Variants in MS4A10 observed in about 807,000 individuals in gnomAD.
MS4A10 encodes membrane-spanning 4-domains subfamily A member 10.
A neutral mutation model predicts 27.7 loss-of-function variants in MS4A10; 27 were observed. The observed-to-expected ratio is 0.98, with a 90% CI of 0.72 to 1.35. The LOEUF is 1.35. Among genes scored for constraint, MS4A10 ranks in the 40% most tolerant of loss-of-function variants. The pLI is 0.00. For missense variants in MS4A10, 338 were observed against 324.7 expected, an observed-to-expected ratio of 1.04 and a Z score of -0.32; for synonymous variants, 139 against 131.2, an observed-to-expected ratio of 1.06 and a Z score of -0.41.
intron 4 of MS4A10, among the ~76,000 whole-genome samples, chr11:60,792,713 G>A (rs1199121309): frequency 6.6e-6 from 1 of 152,156 alleles, no homozygotes; most frequent in Non-Finnish European, 1.5e-5. Context: ...TCCTCTCTAA[G>A]AGCCAGGCAG....
Position 60,791,069 on chromosome 11 carries a change from G to A in MS4A10, c.279G>A (p.Trp93Ter). Residue 93 changes from tryptophan to a stop codon, truncating the protein, a stop_gained, in exon 3 of 8, where the codon TGG (tryptophan) becomes TGA (stop). Coordinates refer to ENST00000308287, the MANE Select transcript of MS4A10 (RefSeq NM_206893.4). LOFTEE classifies it high-confidence loss of function. Reference sequence around the variant, plus strand: ...TTCACCTGGTGGTGCTGAAGTCTTGGTATCCATTCTGGGGGGCTGCCTCTG... The same window carrying A: ...TTCACCTGGTGGTGCTGAAGTCTTGATATCCATTCTGGGGGGCTGCCTCTG... ...KNLHLVVLKSWYPFWGAASFL... is the reference protein window; with the variant it reads ...KNLHLVVLKS 1 of 1,614,116 alleles carries A rather than the reference G, an allele frequency of 6.2e-7. No individual in the cohort carries two copies. Among genetic ancestry groups the A allele is most frequent in the Non-Finnish European group, 8.5e-7 (1 of 1,180,000 alleles).
rs1354859093 is a variant in MS4A10, at chr11:60,800,094, T to C, written c.*185T>C. ...CTCAGATAAGCCATTTCTTACATAG[T>C]TGATGGCTCGATATCTGTGGTGGCC... On this transcript the variant is annotated 3_prime_UTR_variant, in exon 8 of 8. Transcript: ENST00000308287. The C allele has an allele frequency of 1.8e-5, 14 of 782,250 alleles. No homozygotes were observed. The African/African-American group carries it at 2.2e-4, about 13-fold the overall frequency. The allele number at this position is 782,250 out of a possible 1,614,324, so 48.5% of individuals were successfully genotyped here. A position where few individuals can be genotyped will look rare whatever the true frequency, so the allele number is the denominator to read the frequency against.
chr11:60,789,535 A>C (rs1854392047), intron 1 of MS4A10, among the ~76,000 whole-genome samples: 1 of 152,148 alleles, frequency 6.6e-6, no homozygotes, highest in African/African-American at 2.4e-5. Context: ...TTCATTTCCA[A>C]TTGTTGAGCC....
chr11:60,790,657 A>G, intron 2 of MS4A10, 139 bp downstream of exon 2: 1 of 1,007,606 alleles, frequency 9.9e-7, no homozygotes, highest in Non-Finnish European at 1.4e-6. Context: ...TCTGAACTGG[A>G]AAAGGCCTTG....
chr11:60,795,040 C>T (rs1025624364), intron 5 of MS4A10, among the ~76,000 whole-genome samples: 12 of 152,224 alleles, frequency 7.9e-5, no homozygotes, highest in Admixed American at 4.6e-4. Context: ...CATACACACA[C>T]GTGCATACAC....
chr11:60,794,749 C>T (rs1025148015), intron 5 of MS4A10, among the ~76,000 whole-genome samples: 2 of 152,128 alleles, frequency 1.3e-5, no homozygotes, highest in Admixed American at 6.5e-5. Context: ...AATCGAGGCT[C>T]ACTGTAACCT....
Position 60,799,940 on chromosome 11 carries a change from G to C in MS4A10, c.*31G>C. The C allele has an allele frequency of 6.2e-7, 1 of 1,614,118 alleles. No homozygotes were observed. The highest frequency in any genetic ancestry group is 8.5e-7 in the Non-Finnish European group (1 of 1,180,028). On this transcript the variant is annotated 3_prime_UTR_variant, in exon 8 of 8. Coordinates refer to ENST00000308287, the MANE Select transcript of MS4A10 (RefSeq NM_206893.4). ...CACTGCCTGACAATGCCCAAACTTGGTTGGAGCATAGCCCCTGCTCTCCCA... is the reference window on the plus strand; with the variant it reads ...CACTGCCTGACAATGCCCAAACTTGCTTGGAGCATAGCCCCTGCTCTCCCA...
intron 5 of MS4A10, 80 bp downstream of exon 5, chr11:60,794,183 C>T (rs955780878): frequency 5.3e-5 from 82 of 1,556,974 alleles, no homozygotes; most frequent in Non-Finnish European, 6.8e-5. Context: ...GTTTCCAGCT[C>T]ACAGAAAGCC....
Position 60,798,493 on chromosome 11 carries a change from C to T in MS4A10, c.701C>T (p.Ala234Val). Residue 234 changes from alanine (A) to valine (V), a missense_variant, in exon 7 of 8, where the codon GCA (alanine) becomes GTA (valine). Ala to Val is a moderately conservative substitution (Grantham distance 64, BLOSUM62 0). Transcript: ENST00000308287. ...PSYQSVIQGDAQHKQHQRLRE... is the reference protein window; with the variant it reads ...PSYQSVIQGDVQHKQHQRLRE... ...TACCAGAGTGTGATTCAAGGCGACG[C>T]ACAACACAAGCAACATCAGAGGTGA... is the stretch of plus-strand genomic sequence containing the variant. 1 of 1,613,996 alleles carries T rather than the reference C, an allele frequency of 6.2e-7. No homozygotes were observed. Among genetic ancestry groups the T allele is most frequent in the Non-Finnish European group, 8.5e-7 (1 of 1,179,924 alleles).
intron 7 of MS4A10, among the ~76,000 whole-genome samples, chr11:60,799,387 GT>G (rs1367929021): frequency 1.3e-5 from 2 of 152,142 alleles, no homozygotes; most frequent in East Asian, 1.9e-4. Flanking sequence ...ATGTATTCTG[GT>G]TTTTTTTCCA....
rs151164269 is a variant in MS4A10, at chr11:60,795,430, G to C, written c.493-125G>C. On this transcript the variant is annotated intron_variant, in intron 5 of 7. Coordinates refer to ENST00000308287, the MANE Select transcript of MS4A10 (RefSeq NM_206893.4). ...CCCTGCCTTCCCCACGCACACCTGGGAGCTGAAACCCCACCTGCCCTCTGC... is the reference window on the plus strand; with the variant it reads ...CCCTGCCTTCCCCACGCACACCTGGCAGCTGAAACCCCACCTGCCCTCTGC... 8.2e-3 allele frequency: 4,106 copies of C among 503,714 alleles called. 207 individuals carry two copies. In the Admixed American group the frequency reaches 0.11, roughly 14 times the overall value. 31.2% of individuals were successfully genotyped at this position (503,714 alleles called of 1,614,324 possible).
chr11:60,799,802 G>A (rs579967), intron 7 of MS4A10, 26 bp from the exon 8 acceptor site: 1,034,322 of 1,040,546 alleles, frequency 0.99, 514,309 homozygotes, highest in East Asian at 1. Flanking sequence ...AGCTGCTGTT[G>A]CTATTAATAT....
chr11:60,796,929 T>C (rs1398027848), intron 6 of MS4A10, among the ~76,000 whole-genome samples: 1 of 152,178 alleles, frequency 6.6e-6, no homozygotes, highest in African/African-American at 2.4e-5. Context: ...TATTACAATC[T>C]CAACTTTAGA....
rs577460026 is a variant in MS4A10, at chr11:60,786,144, GACATGCATGC to G, written c.-23+737_-23+746del. ...TCTCAATTCCTGCCTTTCTGTCCTT[GACATGCATGC>G]ACATGCATGCACACACATGCACACA... On this transcript the variant is annotated intron_variant, in intron 1 of 7. Coordinates refer to ENST00000308287, the MANE Select transcript of MS4A10 (RefSeq NM_206893.4). Among the ~76,000 whole-genome samples the G allele has an allele frequency of 5.8e-3, 869 of 150,958 alleles. 6 individuals are homozygous for G. Among genetic ancestry groups the G allele is most frequent in the African/African-American group, 0.02 (828 of 40,862 alleles).
chr11:60,792,609 C>T (rs775906406), intron 4 of MS4A10, among the ~76,000 whole-genome samples: 2 of 152,322 alleles, frequency 1.3e-5, no homozygotes, highest in Middle Eastern at 3.4e-3. Context: ...CCATCTAGGA[C>T]ACAACTTTGC....
intron 6 of MS4A10, among the ~76,000 whole-genome samples, chr11:60,797,702 G>A (rs768191371): frequency 1.3e-5 from 2 of 152,164 alleles, no homozygotes; most frequent in Admixed American, 6.5e-5. Context: ...CCTCTCTGCC[G>A]TGTGACCAGA....
intron 7 of MS4A10, among the ~76,000 whole-genome samples, chr11:60,799,367 G>A (rs962213348): frequency 6.6e-6 from 1 of 152,114 alleles, no homozygotes; most frequent in African/African-American, 2.4e-5. Context: ...TTGCTTATTT[G>A]TGAGCTGCAA....
chr11:60,794,249 C>T (rs2134753933), intron 5 of MS4A10, 146 bp downstream of exon 5: 6 of 892,526 alleles, frequency 6.7e-6, no homozygotes, highest in East Asian at 2.6e-5. Flanking sequence ...TTTCTGTCCC[C>T]TACAAGGTGT....
At chr11:60,789,178 C>T (rs1854386139) in intron 1 of MS4A10, among the ~76,000 whole-genome samples, 1 of 152,224 alleles carries the variant, frequency 6.6e-6, no homozygotes, top group Admixed American at 6.5e-5. Flanking sequence ...ACAAGTCAGA[C>T]TTAAAAGTGA....
Sources: gnomAD v4.1 joint callset for allele counts (sites outside exome capture counted in the v4.1 genomes callset) on GRCh38, gnomAD v4.1.1 for gene constraint, MANE v1.5 for transcripts, NCBI Gene and HGNC (gene_info 2026-07-23, HGNC 2026-07-21) for gene names.